The following POU2AF1 variants were observed in gnomAD, a reference collection of about 807,000 sequenced individuals.
POU2AF1 encodes the protein POU domain class 2-associating factor 1.
POU2AF1 carries 12 observed loss-of-function variants against 26.3 expected under a neutral mutation model. That is an observed-to-expected ratio of 0.46 (90% CI 0.29 to 0.74). The LOEUF (loss-of-function observed/expected upper bound fraction) is 0.74, where lower values mean the gene tolerates loss of function less well. POU2AF1 is among the 30% of genes least tolerant of loss of function. The pLI, the probability that POU2AF1 is intolerant of heterozygous loss-of-function variation, is 0.09. For missense variants in POU2AF1, 297 were observed against 334.5 expected (o/e 0.89, Z 0.87); for synonymous variants, 175 against 148.0 (o/e 1.18, Z -1.32).
chr11:111,361,427 T>G (rs545639200), intron 1 of POU2AF1, among the ~76,000 whole-genome samples: 11 of 152,218 alleles, frequency 7.2e-5, no homozygotes, highest in Admixed American at 3.9e-4. Context: ...GTTCTTAGAT[T>G]TATTTAATGT....
In POU2AF1 at chr11:111,357,534, A is replaced by G. The variant is rs191114094; in HGVS notation, c.367T>C (p.Tyr123His). 33 of 1,614,144 alleles carry G rather than the reference A, an allele frequency of 2.0e-5. No individual in the cohort carries two copies. Among genetic ancestry groups the G allele is most frequent in the Middle Eastern group, 3.3e-4 (2 of 6,060 alleles). Residue 123 changes from tyrosine to histidine, a missense_variant, in exon 4 of 5, where the codon TAT becomes CAT. Coordinates refer to ENST00000393067, the MANE Select transcript of POU2AF1 (RefSeq NM_006235.3). Reference sequence around the variant, plus strand: ...TAGCTGGGGCACACGGGCTGCACATACATGTCAGCTGAGTAGGGGCAGCTG... The same window carrying G: ...TAGCTGGGGCACACGGGCTGCACATGCATGTCAGCTGAGTAGGGGCAGCTG... ...AVSCPYSADM[Y>H]VQPVCPSYTV...
chr11:111,367,383 A>G (rs1051998672), intron 1 of POU2AF1, among the ~76,000 whole-genome samples: 1 of 152,086 alleles, frequency 6.6e-6, no homozygotes, highest in Non-Finnish European at 1.5e-5. Flanking sequence ...TTTGACACTA[A>G]TGATTGCAGA....
intron 1 of POU2AF1, 45 bp downstream of exon 1, chr11:111,379,117 C>T (rs936306571): frequency 1.2e-6 from 2 of 1,613,262 alleles, no homozygotes; most frequent in Non-Finnish European, 8.5e-7. Context: ...CGCCCTGCCC[C>T]GCTGGCACTC....
chr11:111,366,726 G>A (rs1406143693), intron 1 of POU2AF1, among the ~76,000 whole-genome samples: 2 of 152,156 alleles, frequency 1.3e-5, no homozygotes, highest in East Asian at 3.9e-4. Context: ...CTAGAAAGAA[G>A]AGCCCTGACA....
rs1126886 is a variant in POU2AF1 at position 111,352,279 on chromosome 11, T to C, written c.*1982A>G. On this transcript the variant is annotated 3_prime_UTR_variant, in exon 5 of 5. Coordinates refer to ENST00000393067, the MANE Select transcript of POU2AF1 (RefSeq NM_006235.3). ...CTTTCTCCAGAGTTTTTATTTAAAGTGGGCAAAGAAAATATGTCAAAGAAA... is the reference window on the plus strand; with the variant it reads ...CTTTCTCCAGAGTTTTTATTTAAAGCGGGCAAAGAAAATATGTCAAAGAAA... The C allele has an allele frequency of 1.1e-5, 2 of 179,128 alleles. No homozygotes were observed. The highest frequency in any genetic ancestry group is 2.4e-5 in the Non-Finnish European group (2 of 83,574). 11.1% of individuals were successfully genotyped at this position (179,128 alleles called of 1,614,324 possible).
In POU2AF1 at chr11:111,357,525, G is replaced by A. The variant is rs2135109893; in HGVS notation, c.376C>T (p.Pro126Ser). Residue 126 changes from proline to serine, a missense_variant, in exon 4 of 5, where the codon CCC becomes TCC. Pro to Ser is a moderately conservative substitution (Grantham distance 74). Transcript: ENST00000393067. ...ACCACCGTGTAGCTGGGGCACACGG[G>A]CTGCACATACATGTCAGCTGAGTAG... ...CPYSADMYVQ[P>S]VCPSYTVVGP... 6.2e-7 allele frequency: 1 copy of A among 1,614,180 alleles called. No homozygotes were observed. Among genetic ancestry groups the A allele is most frequent in the Non-Finnish European group, 8.5e-7 (1 of 1,180,022 alleles).
At chr11:111,359,133 C>T (rs1860955100) in intron 1 of POU2AF1, 3 of 748,654 alleles carry the variant, frequency 4.0e-6, no homozygotes, top group Non-Finnish European at 6.3e-6. Context: ...AGGCCCAGCT[C>T]CTTGTCCTAG....
intron 4 of POU2AF1, among the ~76,000 whole-genome samples, 178 bp from the exon 5 acceptor site, chr11:111,354,753 T>C (rs1860810351): frequency 6.6e-6 from 1 of 152,160 alleles, no homozygotes; most frequent in South Asian, 2.1e-4. Context: ...CCAGGCTGAC[T>C]TCAACCGCAG....
chr11:111,372,338 T>C (rs1662991319), intron 1 of POU2AF1, among the ~76,000 whole-genome samples: 1 of 152,192 alleles, frequency 6.6e-6, no homozygotes, highest in African/African-American at 2.4e-5. Context: ...GAGACCTTGT[T>C]TTCTTCAACA....
chr11:111,373,803 G>C (rs907566853), intron 1 of POU2AF1, among the ~76,000 whole-genome samples: 1 of 152,134 alleles, frequency 6.6e-6, no homozygotes, highest in Admixed American at 6.6e-5. Flanking sequence ...TTTCAGAGAA[G>C]GCCTCCCCAT....
intron 1 of POU2AF1, chr11:111,363,438 T>C (rs1181305674): frequency 9.9e-7 from 1 of 1,013,324 alleles, no homozygotes; most frequent in Admixed American, 5.9e-5. Flanking sequence ...CACCAACCTA[T>C]GTGCAGCAAC....
chr11:111,360,007 C>T (rs748656314), intron 1 of POU2AF1: 1 of 519,062 alleles, frequency 1.9e-6, no homozygotes, highest in Non-Finnish European at 3.8e-6. Context: ...CAGTGTCCAC[C>T]TGCTGCTGAG....
chr11:111,360,902 C>G (rs1472754194), intron 1 of POU2AF1, among the ~76,000 whole-genome samples: 2 of 150,646 alleles, frequency 1.3e-5, no homozygotes, highest in African/African-American at 4.9e-5. Context: ...TGAGATCACA[C>G]CATTGCACTC....
chr11:111,367,052 C>A (rs941126663), intron 1 of POU2AF1, among the ~76,000 whole-genome samples: 1 of 152,164 alleles, frequency 6.6e-6, no homozygotes, highest in African/African-American at 2.4e-5. Flanking sequence ...GCCCCACAAC[C>A]GCAGGTAGGG....
At chr11:111,367,423 C>T (rs900609647) in intron 1 of POU2AF1, among the ~76,000 whole-genome samples, 3 of 152,040 alleles carry the variant, frequency 2.0e-5, no homozygotes, top group African/African-American at 4.8e-5. Flanking sequence ...ATTCCTCTTC[C>T]GCTCCCTTCC....
At chr11:111,369,180 C>T (rs960811313) in intron 1 of POU2AF1, among the ~76,000 whole-genome samples, 7 of 152,234 alleles carry the variant, frequency 4.6e-5, no homozygotes, top group Non-Finnish European at 8.8e-5. Context: ...AAAGACTTCG[C>T]TTTCGTACAG....
intron 1 of POU2AF1, among the ~76,000 whole-genome samples, chr11:111,374,251 G>A (rs946212172): frequency 4.0e-5 from 6 of 151,504 alleles, no homozygotes; most frequent in African/African-American, 1.5e-4. Flanking sequence ...TAAATATAAG[G>A]GGCAGGAAGT....
intron 1 of POU2AF1, among the ~76,000 whole-genome samples, chr11:111,375,714 T>A (rs1316348123): frequency 1.3e-5 from 2 of 152,158 alleles, no homozygotes; most frequent in African/African-American, 4.8e-5. Flanking sequence ...CTGAGTATCT[T>A]AAGGAAATGA....
chr11:111,364,956 C>G (rs1473140842), intron 1 of POU2AF1, among the ~76,000 whole-genome samples: 2 of 152,308 alleles, frequency 1.3e-5, no homozygotes, highest in East Asian at 3.9e-4. Context: ...AAATGGATAT[C>G]CAGTTGTTTG....
Sources: allele counts gnomAD v4.1 joint callset (sites outside exome capture counted in the v4.1 genomes callset), GRCh38; gene constraint gnomAD v4.1.1; transcripts MANE v1.5; gene names NCBI Gene and HGNC (gene_info 2026-07-23, HGNC 2026-07-21).